Variants in POGZ observed in about 807,000 individuals in gnomAD.
POGZ encodes pogo transposable element derived with ZNF domain.
A neutral mutation model predicts 134.6 loss-of-function variants in POGZ; 17 were observed. The ratio of observed to expected loss-of-function variants is 0.13; its 90% confidence interval spans 0.09 to 0.19. The LOEUF (loss-of-function observed/expected upper bound fraction) is 0.19. Ranked by LOEUF, POGZ falls within the 10% of genes least tolerant of loss-of-function variation. POGZ has a pLI of 1.00. For synonymous variants in POGZ, 693 were observed against 657.1 expected (o/e 1.05, Z -0.84); for missense variants, 1,306 against 1,769.7 (o/e 0.74, Z 4.70).
intron 3 of POGZ, among the ~76,000 whole-genome samples, chr1:151,436,279 G>A (rs181869366): frequency 1.1e-4 from 17 of 151,768 alleles, no homozygotes; most frequent in Non-Finnish European, 4.4e-5. Context: ...CATATTCATC[G>A]CCCTCAAAAG....
At chr1:151,432,896 T>C (rs1295157019) in intron 3 of POGZ, among the ~76,000 whole-genome samples, 1 of 152,200 alleles carries the variant, frequency 6.6e-6, no homozygotes, top group Admixed American at 6.5e-5. Context: ...CTGAATCCAG[T>C]TACAAAATGT....
intron 1 of POGZ, among the ~76,000 whole-genome samples, chr1:151,449,713 G>A (rs1387930618): frequency 6.6e-6 from 1 of 152,012 alleles, no homozygotes. Flanking sequence ...TGGCTAACAC[G>A]GTGAAACCCC....
At chr1:151,436,352 GAAT>G in intron 3 of POGZ, among the ~76,000 whole-genome samples, 1 of 152,196 alleles carries the variant, frequency 6.6e-6, no homozygotes, top group South Asian at 2.1e-4. Context: ...TGGCAACCAC[GAAT>G]CTAATTTCTC....
At position 151,403,721 on chromosome 1, in the gene POGZ, C is replaced by T. The variant is rs535860230; in HGVS notation, c.*1081G>A. On this transcript the variant is annotated 3_prime_UTR_variant, in exon 19 of 19. Transcript: ENST00000271715. ...AGAAATAGGGGAAAGCCACAGAGCA[C>T]GCTGGATTTCAACAAGTGGTCTTGT... 4.9e-5 allele frequency: 48 copies of T among 985,826 alleles called. No homozygotes were observed. Among genetic ancestry groups the T allele is most frequent in the South Asian group, 3.8e-4 (8 of 21,286 alleles). 61.1% of individuals were successfully genotyped at this position (985,826 alleles called of 1,614,324 possible).
chr1:151,416,864 T>C (rs1655818011), intron 10 of POGZ, among the ~76,000 whole-genome samples: 1 of 152,052 alleles, frequency 6.6e-6, no homozygotes, highest in African/African-American at 2.4e-5. Flanking sequence ...ACTCCTGGGC[T>C]CAAGCAATCC....
chr1:151,455,477 G>A (rs1662654834), intron 1 of POGZ, among the ~76,000 whole-genome samples: 1 of 152,230 alleles, frequency 6.6e-6, no homozygotes, highest in Non-Finnish European at 1.5e-5. Flanking sequence ...ACATAGGACT[G>A]ACTGAATGAT....
At chr1:151,444,661 C>T (rs961860746) in intron 1 of POGZ, among the ~76,000 whole-genome samples, 6 of 152,072 alleles carry the variant, frequency 3.9e-5, no homozygotes, top group African/African-American at 7.2e-5. Context: ...CAATGTCATG[C>T]CTGTGGTTAT....
rs139411548 is a variant in POGZ, at chr1:151,414,345, T to C, written c.1679-1949A>G. ...TTAAGCAATATTTTGTCCAGGCCTTTCTTAGTCTATGTTTTCCCTGGGCAA... is the reference window on the plus strand; with the variant it reads ...TTAAGCAATATTTTGTCCAGGCCTTCCTTAGTCTATGTTTTCCCTGGGCAA... On this transcript the variant is annotated intron_variant, in intron 10 of 18. Coordinates refer to ENST00000271715, the MANE Select transcript of POGZ (RefSeq NM_015100.4). 2.0e-4 allele frequency among the ~76,000 whole-genome samples: 31 copies of C among 152,358 alleles called. No individual in the cohort carries two copies. In the East Asian group the frequency reaches 5.2e-3, roughly 26 times the overall value.
At position 151,429,682 on chromosome 1, in the gene POGZ, T is replaced by A. The variant is rs759114451; in HGVS notation, c.489A>T (p.Val163=). The change falls in exon 5 of 19, where the codon GTA becomes GTT. Residue 163 remains valine (V), a synonymous_variant. Transcript: ENST00000271715. ...QGFPVRNVRP[V]QNAMNQVGIV... ...TCCCAACCTGATTCATTGCATTTTG[T>A]ACAGGCCGGACATTCCTTACAGGAA... is the stretch of plus-strand genomic sequence containing the variant. 1 of 1,612,894 alleles carries A rather than the reference T, an allele frequency of 6.2e-7. No homozygotes were observed. The highest frequency in any genetic ancestry group is 8.5e-7 in the Non-Finnish European group (1 of 1,179,050).
intron 4 of POGZ, 82 bp downstream of exon 4, chr1:151,430,584 G>A (rs908735717): frequency 2.4e-5 from 26 of 1,066,342 alleles, no homozygotes; most frequent in South Asian, 1.1e-4. Context: ...TTCTAATGAC[G>A]CCAAAGACCC....
At position 151,434,372 on chromosome 1, in the gene POGZ, G is replaced by A. The variant is rs1165534700; in HGVS notation, c.284-3531C>T. Among the ~76,000 whole-genome samples, 4 of 152,182 alleles carry A rather than the reference G, an allele frequency of 2.6e-5. No homozygotes were observed. In the East Asian group the frequency reaches 5.8e-4, roughly 22 times the overall value. On this transcript the variant is annotated intron_variant, in intron 3 of 18. Coordinates refer to ENST00000271715, the MANE Select transcript of POGZ (RefSeq NM_015100.4). ...GCCTGTAGTCCCAGCTACTTGGGGGGCCGAGGTGGGAGGATCGTTTGAGCC... is the reference window on the plus strand; with the variant it reads ...GCCTGTAGTCCCAGCTACTTGGGGGACCGAGGTGGGAGGATCGTTTGAGCC...
intron 3 of POGZ, chr1:151,438,921 G>A: frequency 6.6e-6 from 1 of 152,268 alleles, no homozygotes; most frequent in East Asian, 1.9e-4. Context: ...CTCAGTATGG[G>A]CCTTGGAACC....
At chr1:151,425,735 CATTTT>C (rs1557905183) in intron 7 of POGZ, among the ~76,000 whole-genome samples, 1 of 152,210 alleles carries the variant, frequency 6.6e-6, no homozygotes. Flanking sequence ...GTGAATACCA[CATTTT>C]ATTTATCCCT....
chr1:151,442,359 G>A, intron 1 of POGZ, 154 bp from the exon 2 acceptor site: 1 of 499,086 alleles, frequency 2.0e-6, no homozygotes, highest in Non-Finnish European at 3.5e-6. Context: ...CAAGGGTTCA[G>A]AATTACAACT....
At chr1:151,444,753 G>C (rs570685542) in intron 1 of POGZ, among the ~76,000 whole-genome samples, 2 of 152,142 alleles carry the variant, frequency 1.3e-5, no homozygotes, top group African/African-American at 4.8e-5. Flanking sequence ...ATTTTATAAA[G>C]CAATGAATTT....
At chr1:151,437,292 T>A (rs559723579) in intron 3 of POGZ, among the ~76,000 whole-genome samples, 2 of 152,242 alleles carry the variant, frequency 1.3e-5, no homozygotes, top group East Asian at 3.9e-4. Flanking sequence ...ATCACATCTT[T>A]AATGTAGTTC....
chr1:151,443,741 A>G (rs756254810), intron 1 of POGZ, among the ~76,000 whole-genome samples: 1 of 152,122 alleles, frequency 6.6e-6, no homozygotes, highest in Non-Finnish European at 1.5e-5. Flanking sequence ...AATAAAAACA[A>G]ATAAATAAAG....
chr1:151,443,734 A>C (rs934646827), intron 1 of POGZ, among the ~76,000 whole-genome samples: 1 of 152,210 alleles, frequency 6.6e-6, no homozygotes, highest in African/African-American at 2.4e-5. Context: ...AAAAATAAAT[A>C]AAAACAAATA....
At chr1:151,406,676 T>C (rs192539903) in intron 17 of POGZ, 45 bp from the exon 18 acceptor site, 31 of 1,547,860 alleles carry the variant, frequency 2.0e-5, no homozygotes, top group South Asian at 1.1e-5. Flanking sequence ...AGTGAAAAAA[T>C]AAGCCCTCCA....
Sources: allele counts gnomAD v4.1 joint callset (sites outside exome capture counted in the v4.1 genomes callset), GRCh38; gene constraint gnomAD v4.1.1; transcripts MANE v1.5; gene names NCBI Gene and HGNC (gene_info 2026-07-23, HGNC 2026-07-21).